IL1RAPL1: variants seen among roughly 807,000 people sequenced by gnomAD.
IL1RAPL1 encodes the protein interleukin 1 receptor accessory protein like 1.
A neutral mutation model predicts 48.4 loss-of-function variants in IL1RAPL1; 3 were observed. The ratio of observed to expected loss-of-function variants is 0.06; its 90% CI spans 0.03 to 0.16. The LOEUF is 0.16. IL1RAPL1 is among the 10% of genes least tolerant of loss of function. IL1RAPL1 has a pLI of 1.00. For synonymous variants in IL1RAPL1, 185 were observed against 187.7 expected, an observed-to-expected ratio of 0.99 and a Z score of 0.12; for missense variants, 349 against 530.6, an observed-to-expected ratio of 0.66 and a Z score of 3.36.
intron 5 of IL1RAPL1, among the ~76,000 whole-genome samples, chrX:29,591,156 A>G (rs1237272650): frequency 9.0e-6 from 1 of 111,374 alleles, no homozygotes; most frequent in Non-Finnish European, 1.9e-5. Context: ...CATAAAGGTG[A>G]CTCTTCACCT....
At chrX:28,823,100 T>C (rs1257654926) in intron 2 of IL1RAPL1, among the ~76,000 whole-genome samples, 1 of 111,693 alleles carries the variant, frequency 9.0e-6, no homozygotes, top group Non-Finnish European at 1.9e-5. Context: ...ATAATACCTC[T>C]TGAGATTTCT....
intron 5 of IL1RAPL1, among the ~76,000 whole-genome samples, chrX:29,567,330 A>G (rs957340481): frequency 2.7e-5 from 3 of 111,711 alleles, no homozygotes; most frequent in African/African-American, 9.7e-5. Context: ...TACCTAAACA[A>G]TTGTTAAGAA....
chrX:29,153,379 G>A (rs752366208), intron 2 of IL1RAPL1, among the ~76,000 whole-genome samples: 42 of 111,500 alleles, frequency 3.8e-4, no homozygotes, highest in African/African-American at 1.3e-3. Context: ...ATGTCTTTGG[G>A]AGGCCATTAT....
chrX:29,456,345 C>T (rs1934738192), intron 5 of IL1RAPL1, among the ~76,000 whole-genome samples: 2 of 111,373 alleles, frequency 1.8e-5, no homozygotes, highest in African/African-American at 6.5e-5. Context: ...AGAGATGCAT[C>T]GGGTAGGGGG....
chrX:28,599,011 A>G (rs942766079), intron 1 of IL1RAPL1, among the ~76,000 whole-genome samples: 2 of 109,270 alleles, frequency 1.8e-5, no homozygotes, highest in Non-Finnish European at 1.9e-5. Flanking sequence ...AGGCCGAGGC[A>G]AGGGAAACAG....
chrX:28,932,055 A>AAAATAAAT (rs774745432), intron 2 of IL1RAPL1, among the ~76,000 whole-genome samples: 1 of 109,862 alleles, frequency 9.1e-6, no homozygotes, highest in African/African-American at 3.3e-5. Flanking sequence ...AAAAAAATAA[A>AAAATAAAT]AAATAAATAA....
chrX:29,765,229 T>C (rs2147147351), intron 6 of IL1RAPL1, among the ~76,000 whole-genome samples: 1 of 106,009 alleles, frequency 9.4e-6, no homozygotes, highest in East Asian at 3.0e-4. Context: ...CTGAAGTTAA[T>C]AGCAGTAGTT....
intron 2 of IL1RAPL1, among the ~76,000 whole-genome samples, chrX:29,188,836 C>T (rs973454230): frequency 1.8e-5 from 2 of 110,998 alleles, no homozygotes; most frequent in East Asian, 2.8e-4. Flanking sequence ...CTACCAGCTT[C>T]GGCCTCAATG....
chrX:29,751,496 T>A (rs1355207026), intron 6 of IL1RAPL1, among the ~76,000 whole-genome samples: 1 of 111,982 alleles, frequency 8.9e-6, no homozygotes, highest in Non-Finnish European at 1.9e-5. Flanking sequence ...TATCTGTTCT[T>A]ATCCATTTAA....
intron 2 of IL1RAPL1, among the ~76,000 whole-genome samples, chrX:28,820,079 CTA>C (rs1349891228): frequency 1.5e-4 from 14 of 96,227 alleles, no homozygotes; most frequent in African/African-American, 5.2e-4. Context: ...AGAGAACAGT[CTA>C]TGTTTACTCT....
intron 2 of IL1RAPL1, among the ~76,000 whole-genome samples, chrX:29,021,136 C>A (rs1368697549): frequency 9.5e-6 from 1 of 105,620 alleles, no homozygotes; most frequent in East Asian, 3.0e-4. Flanking sequence ...TCACTTGAAC[C>A]CGGGAGGTGG....
At position 29,427,004 on chromosome X, in the gene IL1RAPL1, A is replaced by ATT. The variant is rs1250799505; in HGVS notation, c.703+27696_703+27697insTT. On this transcript the variant is annotated intron_variant, in intron 5 of 10. Transcript: ENST00000378993. ...TGGATTTTAAAAACCTTTTTAAAAA[A>ATT]AAAAAAAAAAGATTTGCATATTATT... 2.8e-3 allele frequency among the ~76,000 whole-genome samples: 313 copies of ATT among 110,980 alleles called. 1 individual carries two copies. Among genetic ancestry groups the ATT allele is most frequent in the African/African-American group, 9.6e-3 (293 of 30,517 alleles).
At chrX:28,749,789 A>ATT (rs1936018867) in intron 1 of IL1RAPL1, among the ~76,000 whole-genome samples, 2 of 109,621 alleles carry the variant, frequency 1.8e-5, no homozygotes, top group South Asian at 3.8e-4. Context: ...TGCTGCCTAT[A>ATT]TTTTTAAGTT....
chrX:29,494,979 C>T (rs1209651314), intron 5 of IL1RAPL1, among the ~76,000 whole-genome samples: 1 of 111,650 alleles, frequency 9.0e-6, no homozygotes, highest in East Asian at 2.8e-4. Flanking sequence ...GCACAAAGAT[C>T]CATATAAAAG....
intron 2 of IL1RAPL1, among the ~76,000 whole-genome samples, chrX:29,261,878 G>T (rs913789664): frequency 5.4e-5 from 6 of 111,218 alleles, no homozygotes; most frequent in African/African-American, 1.6e-4. Context: ...TTTCTTTGGT[G>T]CCTTTTTGCA....
At chrX:29,527,960 C>G (rs1164315186) in intron 5 of IL1RAPL1, among the ~76,000 whole-genome samples, 1 of 111,961 alleles carries the variant, frequency 8.9e-6, no homozygotes, top group Non-Finnish European at 1.9e-5. Context: ...TTTTGAGGTA[C>G]AGTTCTCACC....
At chrX:29,953,826 T>C (rs775323003) in intron 9 of IL1RAPL1, among the ~76,000 whole-genome samples, 2 of 110,815 alleles carry the variant, frequency 1.8e-5, no homozygotes, top group African/African-American at 3.3e-5. Flanking sequence ...TTCTCTCTCT[T>C]TTTTCAACTG....
intron 3 of IL1RAPL1, among the ~76,000 whole-genome samples, chrX:29,344,559 A>G (rs1158801679): frequency 3.6e-5 from 4 of 112,050 alleles, no homozygotes; most frequent in African/African-American, 9.7e-5. Context: ...TAAAACACAC[A>G]CAGGGAACAT....
chrX:29,432,316 A>G (rs1934431281), intron 5 of IL1RAPL1, among the ~76,000 whole-genome samples: 1 of 111,461 alleles, frequency 9.0e-6, no homozygotes, highest in African/African-American at 3.3e-5. Flanking sequence ...CACCCCAGAA[A>G]TGTCTTTCCC....
Sources: gnomAD v4.1 joint callset for allele counts (sites outside exome capture counted in the v4.1 genomes callset) on GRCh38, gnomAD v4.1.1 for gene constraint, MANE v1.5 for transcripts, NCBI Gene and HGNC (gene_info 2026-07-23, HGNC 2026-07-21) for gene names.